Variants in CCDC30 observed in about 807,000 individuals in gnomAD.
CCDC30 encodes the protein coiled-coil domain containing 30.
CCDC30 carries 70 observed loss-of-function variants against 100.2 expected under a neutral mutation model. The observed-to-expected ratio is 0.70, with a 90% CI of 0.58 to 0.85. The LOEUF (loss-of-function observed/expected upper bound fraction) is 0.85, where lower values mean the gene tolerates loss of function less well. CCDC30 is among the 40% of genes least tolerant of loss of function. CCDC30 has a pLI of 0.00. For synonymous variants in CCDC30, 233 were observed against 269.5 expected, an observed-to-expected ratio of 0.86 and a Z score of 1.33; for missense variants, 652 against 771.2, an observed-to-expected ratio of 0.85 and a Z score of 1.83.
At chr1:42,563,943 G>A (rs1318412875) in intron 6 of CCDC30, among the ~76,000 whole-genome samples, 1 of 151,418 alleles carries the variant, frequency 6.6e-6, no homozygotes, top group Non-Finnish European at 1.5e-5. Context: ...TTTTTCCTAG[G>A]GATCTTGCAG....
chr1:42,613,588 T>C (rs1460774278), intron 11 of CCDC30, among the ~76,000 whole-genome samples: 1 of 152,206 alleles, frequency 6.6e-6, no homozygotes, highest in Non-Finnish European at 1.5e-5. Context: ...GACAGGAATT[T>C]TTCCAGAACT....
chr1:42,604,160 G>T (rs1646459593), intron 10 of CCDC30, among the ~76,000 whole-genome samples: 1 of 152,148 alleles, frequency 6.6e-6, no homozygotes, highest in Non-Finnish European at 1.5e-5. Flanking sequence ...GCTGCACTGA[G>T]CTGTGACTGC....
At chr1:42,640,989 C>T (rs1181103324) in intron 12 of CCDC30, among the ~76,000 whole-genome samples, 3 of 152,022 alleles carry the variant, frequency 2.0e-5, no homozygotes, top group African/African-American at 7.2e-5. Context: ...GGCACAGTGT[C>T]TCATGCCTGT....
At chr1:42,472,001 A>C (rs1353278353) in intron 1 of CCDC30, among the ~76,000 whole-genome samples, 1 of 152,222 alleles carries the variant, frequency 6.6e-6, no homozygotes. Context: ...TGATTAGAAC[A>C]GCAAGTCCTA....
At chr1:42,511,198 C>A (rs1644472602) in intron 6 of CCDC30, among the ~76,000 whole-genome samples, 1 of 152,072 alleles carries the variant, frequency 6.6e-6, no homozygotes, top group South Asian at 2.1e-4. Flanking sequence ...GCGGGCATGA[C>A]CCCCAGTTGT....
intron 11 of CCDC30, among the ~76,000 whole-genome samples, chr1:42,614,222 A>G (rs993854588): frequency 3.3e-5 from 5 of 150,472 alleles, no homozygotes; most frequent in Non-Finnish European, 5.9e-5. Context: ...CTGGGACTAC[A>G]GGCGCCCGCC....
intron 6 of CCDC30, among the ~76,000 whole-genome samples, chr1:42,543,716 A>G (rs187042006): frequency 1.3e-5 from 2 of 152,218 alleles, no homozygotes; most frequent in Admixed American, 6.5e-5. Context: ...TCTCTTATCT[A>G]TATCTTCCCA....
At chr1:42,523,912 C>T (rs1173952970) in intron 6 of CCDC30, among the ~76,000 whole-genome samples, 1 of 152,122 alleles carries the variant, frequency 6.6e-6, no homozygotes, top group Non-Finnish European at 1.5e-5. Context: ...TTGTACTTTT[C>T]AGTTCTAGAC....
intron 6 of CCDC30, 67 bp downstream of exon 6, chr1:42,498,983 C>T: frequency 1.3e-6 from 1 of 767,112 alleles, no homozygotes; most frequent in Non-Finnish European, 1.8e-6. Flanking sequence ...ACAGAGTATA[C>T]TAGAGTGATT....
At chr1:42,568,675 G>A (rs1000199902) in intron 7 of CCDC30, among the ~76,000 whole-genome samples, 2 of 151,440 alleles carry the variant, frequency 1.3e-5, no homozygotes, top group Non-Finnish European at 2.9e-5. Flanking sequence ...ACCTATAATC[G>A]TAGCACTTTG....
chr1:42,648,571 G>A (rs975580610), intron 15 of CCDC30, among the ~76,000 whole-genome samples: 2 of 152,152 alleles, frequency 1.3e-5, no homozygotes, highest in Non-Finnish European at 1.5e-5. Context: ...TTGGGAGGCT[G>A]AGGCAGCAGA....
intron 12 of CCDC30, among the ~76,000 whole-genome samples, chr1:42,638,879 T>C (rs1647218345): frequency 6.8e-6 from 1 of 146,140 alleles, no homozygotes; most frequent in Admixed American, 6.8e-5. Context: ...TCCATCTAAA[T>C]AAATAAATAA....
intron 2 of CCDC30, among the ~76,000 whole-genome samples, chr1:42,480,986 G>C (rs1271297680): frequency 6.6e-6 from 1 of 151,792 alleles, no homozygotes; most frequent in Non-Finnish European, 1.5e-5. Flanking sequence ...GCTGGGTGTG[G>C]TGTAGTTCCA....
chr1:42,599,988 A>G (rs1054233484), intron 10 of CCDC30, among the ~76,000 whole-genome samples: 1 of 152,144 alleles, frequency 6.6e-6, no homozygotes, highest in African/African-American at 2.4e-5. Flanking sequence ...AGAGTGAGGC[A>G]GGAGGTGCTA....
At chr1:42,614,238 G>A (rs984553271) in intron 11 of CCDC30, among the ~76,000 whole-genome samples, 9 of 151,436 alleles carry the variant, frequency 5.9e-5, no homozygotes, top group Admixed American at 2.0e-4. Flanking sequence ...CCGCCACTAC[G>A]CCTGGCTAAT....
intron 12 of CCDC30, among the ~76,000 whole-genome samples, chr1:42,638,559 CAAAAAAAA>C (rs55773821): frequency 5.2e-5 from 6 of 116,414 alleles, no homozygotes; most frequent in East Asian, 4.9e-4. Context: ...CACCCATGGG[CAAAAAAAA>C]AAAAAAAAAG....
At chr1:42,652,540 A>G (rs1049369828) in intron 15 of CCDC30, among the ~76,000 whole-genome samples, 1 of 152,258 alleles carries the variant, frequency 6.6e-6, no homozygotes, top group Non-Finnish European at 1.5e-5. Flanking sequence ...ACAATATCCA[A>G]GAGAAATAAA....
At chr1:42,642,246 A>T (rs12074678) in intron 12 of CCDC30, among the ~76,000 whole-genome samples, 2,991 of 148,496 alleles carry the variant, frequency 0.02, 88 homozygotes, top group African/African-American at 0.062. Context: ...CAAACAAAAA[A>T]ATATATATAT....
chr1:42,546,176 A>G (rs149288434), intron 6 of CCDC30, among the ~76,000 whole-genome samples: 1,739 of 150,792 alleles, frequency 0.012, 32 homozygotes, highest in African/African-American at 0.041. Flanking sequence ...ACCTGAGGCC[A>G]AGAGTTCGAG....
Sources: allele counts gnomAD v4.1 joint callset (sites outside exome capture counted in the v4.1 genomes callset), GRCh38; gene constraint gnomAD v4.1.1; transcripts MANE v1.5; gene names NCBI Gene and HGNC (gene_info 2026-07-23, HGNC 2026-07-21).